Variants in OLFML1 observed in about 807,000 individuals in gnomAD.
OLFML1 encodes olfactomedin like 1.
A neutral mutation model predicts 37.3 loss-of-function variants in OLFML1; 33 were observed. That is an observed-to-expected ratio of 0.88 (90% confidence interval 0.67 to 1.18). The LOEUF (loss-of-function observed/expected upper bound fraction) is 1.18, where lower values mean the gene tolerates loss of function less well. Ranked by LOEUF, OLFML1 falls within the 50% of genes most tolerant of loss-of-function variation. OLFML1 has a pLI of 0.00. For synonymous variants in OLFML1, 186 were observed against 181.3 expected, an observed-to-expected ratio of 1.03 and a Z score of -0.21; for missense variants, 545 against 483.7, an observed-to-expected ratio of 1.13 and a Z score of -1.19.
chr11:7,493,507 G>A (rs1848626429), intron 2 of OLFML1, among the ~76,000 whole-genome samples: 1 of 152,224 alleles, frequency 6.6e-6, no homozygotes, highest in Non-Finnish European at 1.5e-5. Context: ...TGTAAGTACA[G>A]GTGTGTGTGT....
rs145805851 is a variant in OLFML1, at chr11:7,510,192, A to G, written c.*4A>G. 321 of 1,595,668 alleles carry G rather than the reference A, an allele frequency of 2.0e-4. 3 individuals carry two copies. In the African/African-American group the frequency reaches 3.8e-3, roughly 19 times the overall value. On this transcript the variant is annotated 3_prime_UTR_variant, in exon 3 of 3. Transcript: ENST00000329293. The stretch of plus-strand genomic sequence containing the variant: ...GAGAAAGCTGCCTCTGAAGTAATGC[A>G]TTACAGCTGTGAGAAAGAGCACTGT...
intron 2 of OLFML1, among the ~76,000 whole-genome samples, chr11:7,501,060 TC>T (rs1848716773): frequency 6.6e-6 from 1 of 152,078 alleles, no homozygotes; most frequent in African/African-American, 2.4e-5. Context: ...CAATGGACCT[TC>T]CCTCTTACCC....
rs771554307 is a variant in OLFML1, at chr11:7,488,431, C to A, written c.418+16C>A. The A allele has an allele frequency of 3.8e-6, 6 of 1,595,526 alleles. No individual in the cohort carries two copies. The highest frequency in any genetic ancestry group is 3.3e-4 in the Middle Eastern group (2 of 5,990). ...CTGAATGCAAGTAAGAAAACTGCAT[C>A]TTTTCCTAGCCCTTCTAGGGACTAT... On this transcript the variant is annotated intron_variant, in intron 2 of 2. Transcript: ENST00000329293.
chr11:7,493,766 CTG>C (rs1848630238), intron 2 of OLFML1, among the ~76,000 whole-genome samples: 1 of 152,260 alleles, frequency 6.6e-6, no homozygotes, highest in Non-Finnish European at 1.5e-5. Context: ...AGAGGGTTAA[CTG>C]TGGCTCCAGG....
At position 7,493,789 on chromosome 11, in the gene OLFML1, A is replaced by G. The variant is rs184389485; in HGVS notation, c.418+5374A>G. On this transcript the variant is annotated intron_variant, in intron 2 of 2. Transcript: ENST00000329293. Reference sequence around the variant, plus strand: ...AACTGTGGCTCCAGGTGCCCTGAACATCCATTCATTCTTGCTATAACTTAT... The same window carrying G: ...AACTGTGGCTCCAGGTGCCCTGAACGTCCATTCATTCTTGCTATAACTTAT... 2.9e-3 allele frequency among the ~76,000 whole-genome samples: 443 copies of G among 152,368 alleles called. 1 individual carries two copies. Among genetic ancestry groups the G allele is most frequent in the Admixed American group, 5.7e-3 (88 of 15,306 alleles).
At chr11:7,496,983 T>C (rs1848669925) in intron 2 of OLFML1, among the ~76,000 whole-genome samples, 1 of 152,168 alleles carries the variant, frequency 6.6e-6, no homozygotes, top group Admixed American at 6.5e-5. Flanking sequence ...TGAGCCTTGA[T>C]CATGCCATTG....
intron 2 of OLFML1, among the ~76,000 whole-genome samples, chr11:7,501,850 C>A (rs1043102714): frequency 6.6e-6 from 1 of 152,052 alleles, no homozygotes; most frequent in Non-Finnish European, 1.5e-5. Flanking sequence ...ATTCATTCAA[C>A]AGATATTTAT....
chr11:7,501,991 G>C (rs1291520663), intron 2 of OLFML1, among the ~76,000 whole-genome samples: 2 of 152,190 alleles, frequency 1.3e-5, no homozygotes, highest in African/African-American at 4.8e-5. Flanking sequence ...AAATAATTAA[G>C]AATATGATAA....
intron 2 of OLFML1, among the ~76,000 whole-genome samples, chr11:7,492,398 T>C (rs1338437362): frequency 2.6e-5 from 4 of 152,194 alleles, no homozygotes; most frequent in African/African-American, 7.2e-5. Flanking sequence ...ATGTACGCAT[T>C]GTCTTGGAGA....
At chr11:7,490,467 C>T (rs1235623183) in intron 2 of OLFML1, among the ~76,000 whole-genome samples, 4 of 152,102 alleles carry the variant, frequency 2.6e-5, no homozygotes, top group Non-Finnish European at 4.4e-5. Context: ...AATTGGATCC[C>T]TGAGCTGTTT....
intron 2 of OLFML1, among the ~76,000 whole-genome samples, chr11:7,508,754 G>T (rs562206458): frequency 6.6e-6 from 1 of 152,300 alleles, no homozygotes; most frequent in East Asian, 1.9e-4. Context: ...TTCACTAGAA[G>T]ATAATCTCGA....
intron 2 of OLFML1, among the ~76,000 whole-genome samples, chr11:7,505,495 C>G (rs1363624114): frequency 2.0e-5 from 3 of 152,162 alleles, no homozygotes; most frequent in African/African-American, 4.8e-5. Context: ...CATGACACTA[C>G]TCATCTCACA....
intron 2 of OLFML1, among the ~76,000 whole-genome samples, chr11:7,495,329 A>G (rs1002188271): frequency 1.3e-5 from 2 of 152,006 alleles, no homozygotes; most frequent in Non-Finnish European, 2.9e-5. Flanking sequence ...CTGTAGGGTA[A>G]AGCAACCCCC....
intron 1 of OLFML1, 137 bp from the exon 2 acceptor site, chr11:7,487,990 A>G (rs1454040535): frequency 3.2e-6 from 2 of 628,640 alleles, no homozygotes; most frequent in Non-Finnish European, 5.3e-6. Flanking sequence ...GAATTTAGGA[A>G]TTATGGGAGA....
At position 7,508,934 on chromosome 11, in the gene OLFML1, C is replaced by T. The variant is rs115895727; in HGVS notation, c.419-464C>T. The stretch of plus-strand genomic sequence containing the variant: ...TCCCAAGTGCTCTAGAGAGTGAACA[C>T]GGTCTCTGAAACAGCAAATAGCTGT... On this transcript the variant is annotated intron_variant, in intron 2 of 2. Coordinates refer to ENST00000329293, the MANE Select transcript of OLFML1 (RefSeq NM_198474.4). Among the ~76,000 whole-genome samples, 807 of 152,320 alleles carry T rather than the reference C, an allele frequency of 5.3e-3. 10 individuals are homozygous for T. Among genetic ancestry groups the T allele is most frequent in the African/African-American group, 0.019 (775 of 41,570 alleles).
chr11:7,494,367 A>G (rs537746051), intron 2 of OLFML1, among the ~76,000 whole-genome samples: 154 of 152,372 alleles, frequency 1.0e-3, no homozygotes, highest in African/African-American at 3.5e-3. Context: ...AATGCGTATT[A>G]TGTACCACAC....
chr11:7,499,490 A>G (rs988812287), intron 2 of OLFML1, among the ~76,000 whole-genome samples: 1 of 152,260 alleles, frequency 6.6e-6, no homozygotes, highest in Non-Finnish European at 1.5e-5. Flanking sequence ...AGGAATTTAT[A>G]AAACTTACAG....
chr11:7,498,742 G>T (rs1848689685), intron 2 of OLFML1, among the ~76,000 whole-genome samples: 1 of 152,142 alleles, frequency 6.6e-6, no homozygotes, highest in African/African-American at 2.4e-5. Flanking sequence ...TCTCTTTAAT[G>T]AATTCATCAC....
At chr11:7,506,987 G>T (rs1484937163) in intron 2 of OLFML1, among the ~76,000 whole-genome samples, 1 of 152,168 alleles carries the variant, frequency 6.6e-6, no homozygotes, top group Non-Finnish European at 1.5e-5. Context: ...ATAACCCCTG[G>T]AGGAGGATAC....
Sources: allele counts gnomAD v4.1 joint callset (sites outside exome capture counted in the v4.1 genomes callset), GRCh38; gene constraint gnomAD v4.1.1; transcripts MANE v1.5; gene names NCBI Gene and HGNC (gene_info 2026-07-23, HGNC 2026-07-21).